The following ZNF384 variants were observed in gnomAD, a reference collection of about 807,000 sequenced individuals.
ZNF384 encodes the protein CAG repeat protein 1.
Under a neutral mutation model 65.0 loss-of-function variants are expected in ZNF384, and 20 were observed. The observed-to-expected ratio is 0.31, with a 90% confidence interval of 0.22 to 0.45. The LOEUF is 0.45. Ranked by LOEUF, ZNF384 falls within the 20% of genes least tolerant of loss-of-function variation. ZNF384 has a pLI of 1.00. For synonymous variants in ZNF384, 310 were observed against 303.9 expected (o/e 1.02, Z -0.21); for missense variants, 549 against 769.4 (o/e 0.71, Z 3.39).
rs1949849495 is a variant in ZNF384 at position 6,666,646 on chromosome 12, A to G, written c.*1068T>C. ...ATCTGCCATGATTTAAAAAAAAAAA[A>G]AAAAGACAAAAAGAAAAATGCTGTG... On this transcript the variant is annotated 3_prime_UTR_variant, in exon 12 of 12. Transcript: ENST00000683879. The G allele has an allele frequency of 6.0e-6, 1 of 166,406 alleles. No individual in the cohort carries two copies. Among genetic ancestry groups the G allele is most frequent in the African/African-American group, 2.4e-5 (1 of 41,706 alleles). 10.3% of individuals were successfully genotyped at this position (166,406 alleles called of 1,614,324 possible).
intron 2 of ZNF384, among the ~76,000 whole-genome samples, chr12:6,682,345 C>CAAAACAAAAG (rs1956314518): frequency 7.0e-6 from 1 of 143,048 alleles, no homozygotes; most frequent in Non-Finnish European, 1.5e-5. Context: ...CAAAACAAAA[C>CAAAACAAAAG]AAAACAAAAC....
In ZNF384 at chr12:6,678,890, G is replaced by A. The variant is rs1387134536; in HGVS notation, c.304+56C>T. 1 of 1,568,508 alleles carries A rather than the reference G, an allele frequency of 6.4e-7. No individual in the cohort carries two copies. Among genetic ancestry groups the A allele is most frequent in the Non-Finnish European group, 8.8e-7 (1 of 1,141,590 alleles). Reference sequence around the variant, plus strand: ...CATGTCCTTGGAGCCCTCCAGCCTGGGGTACTGATCATGGAAGATCAACAC... The same window carrying A: ...CATGTCCTTGGAGCCCTCCAGCCTGAGGTACTGATCATGGAAGATCAACAC... On this transcript the variant is annotated intron_variant, in intron 4 of 11. Transcript: ENST00000683879. The surrounding 1 kb of genome is among the most constrained non-coding windows in gnomAD (Gnocchi z 4.9).
At chr12:6,679,793 C>A (rs868688691) in intron 2 of ZNF384, among the ~76,000 whole-genome samples, 6 of 152,122 alleles carry the variant, frequency 3.9e-5, no homozygotes, top group Admixed American at 2.0e-4. Flanking sequence ...ATTCATGCCC[C>A]CTAAAGAAAA....
rs556747132 is a variant in ZNF384, at chr12:6,674,188, C to T, written c.780-748G>A. Among the ~76,000 whole-genome samples the T allele has an allele frequency of 9.2e-5, 14 of 152,336 alleles. No homozygotes were observed. In the South Asian group the frequency reaches 2.7e-3, roughly 29 times the overall value. On this transcript the variant is annotated intron_variant, in intron 7 of 11. Transcript: ENST00000683879. ...ATGATTACAAAACACCTATCTTCCA[C>T]GCTAAACCTTTCCTCTTCCCTAGCA... is the stretch of plus-strand genomic sequence containing the variant.
In ZNF384 at chr12:6,667,855, C is replaced by T; in HGVS notation, c.1686G>A (p.Gly562=). 3.1e-6 allele frequency: 5 copies of T among 1,614,182 alleles called. No individual in the cohort carries two copies. The highest frequency in any genetic ancestry group is 4.2e-6 in the Non-Finnish European group (5 of 1,180,020). ...GGTTGGGATTGCTGTCCCCACCACC[C>T]CCACCCTGGGGGGCTGCCCCAGGAG... The part of the protein sequence containing the change: ...FQSPGAAPQG[G]GGGDSNPNPP... The change falls in exon 12 of 12, where the codon GGG becomes GGA. Residue 562 remains glycine, a synonymous_variant. Transcript: ENST00000683879.
chr12:6,678,562 C>G lies in ZNF384; in HGVS notation c.352+101G>C. ...ATTGTCTAATTAACCCCTCACCCCC[C>G]CGCCGACCCAACCCAGAGTACACAG... is the stretch of plus-strand genomic sequence containing the variant. On this transcript the variant is annotated intron_variant, in intron 5 of 11. Transcript: ENST00000683879. The surrounding 1 kb of genome is among the most constrained non-coding windows in gnomAD (Gnocchi z 4.9). The G allele has an allele frequency of 3.9e-6, 6 of 1,547,972 alleles. No homozygotes were observed. Among genetic ancestry groups the G allele is most frequent in the Non-Finnish European group, 5.3e-6 (6 of 1,128,690 alleles).
intron 2 of ZNF384, among the ~76,000 whole-genome samples, chr12:6,679,907 G>A (rs778519428): frequency 2.6e-5 from 4 of 152,170 alleles, no homozygotes; most frequent in Non-Finnish European, 4.4e-5. Context: ...ACTTGAAAAC[G>A]GCCAGGTGCC....
intron 2 of ZNF384, among the ~76,000 whole-genome samples, chr12:6,686,594 T>C (rs12303027): frequency 1.3e-5 from 2 of 152,124 alleles, no homozygotes; most frequent in African/African-American, 4.8e-5. Context: ...TATCAGTGGA[T>C]GACTCTTAAC....
rs141404053 is a variant in ZNF384, at chr12:6,678,522, C to A, written c.353-62G>T. ...TTCAGTCCTGATCCTAATCCTATTT[C>A]ATTTCCCCCAGATCATTGTCTAATT... On this transcript the variant is annotated intron_variant, in intron 5 of 11. Coordinates refer to ENST00000683879, the MANE Select transcript of ZNF384 (RefSeq NM_001385745.1). This position sits in a 1 kb window ranked among gnomAD's most constrained non-coding sequence, Gnocchi z 4.9. The A allele has an allele frequency of 1.5e-5, 23 of 1,538,968 alleles. No homozygotes were observed. The Admixed American group carries it at 4.4e-4, about 29-fold the overall frequency.
chr12:6,683,646 A>G (rs1247072665), intron 2 of ZNF384, among the ~76,000 whole-genome samples: 14 of 146,390 alleles, frequency 9.6e-5, no homozygotes, highest in Admixed American at 2.1e-4. Flanking sequence ...TGGGTGACAG[A>G]GCAAGACCCT....
At chr12:6,677,711 C>T (rs1259492197) in intron 6 of ZNF384, among the ~76,000 whole-genome samples, 2 of 152,072 alleles carry the variant, frequency 1.3e-5, no homozygotes, top group African/African-American at 4.8e-5. Flanking sequence ...TGTTCAAATG[C>T]GACCCAGGAA....
chr12:6,676,096 T>C (rs2136803907), intron 7 of ZNF384, among the ~76,000 whole-genome samples: 1 of 152,304 alleles, frequency 6.6e-6, no homozygotes, highest in East Asian at 1.9e-4. Context: ...GGTCAGGAGT[T>C]CGAGACCAGC....
rs943507923 is a variant in ZNF384 at position 6,666,863 on chromosome 12, A to T, written c.*851T>A. 4 of 184,860 alleles carry T rather than the reference A, an allele frequency of 2.2e-5. No homozygotes were observed. Among genetic ancestry groups the T allele is most frequent in the Non-Finnish European group, 3.4e-5 (3 of 87,366 alleles). The allele number at this position is 184,860 out of a possible 1,614,324, so 11.5% of individuals were successfully genotyped here. ...TCCGTGTCCGGCATCTGACTGTGGC[A>T]CCTAGGGAGCTAAGTCCAGTCCTTG... On this transcript the variant is annotated 3_prime_UTR_variant, in exon 12 of 12. Coordinates refer to ENST00000683879, the MANE Select transcript of ZNF384 (RefSeq NM_001385745.1).
At chr12:6,670,131 C>T (rs555859044) in intron 10 of ZNF384, among the ~76,000 whole-genome samples, 19 of 152,250 alleles carry the variant, frequency 1.2e-4, no homozygotes, top group Admixed American at 9.8e-4. Context: ...TAGCTTAAGA[C>T]ATTAAAGACC....
rs1951776696 is a variant in ZNF384, at chr12:6,672,263, C to CCG, written c.1187+86_1187+87insCG. The stretch of plus-strand genomic sequence containing the variant: ...CCAGCCAGGTCTCTCCCCCGCCCCC[C>CCG]GCATGCGGGTTGTTGTGTGTGTCCG... On this transcript the variant is annotated intron_variant, in intron 9 of 11. Transcript: ENST00000683879. This position sits in a 1 kb window ranked among gnomAD's most constrained non-coding sequence, Gnocchi z 4.4. 1.4e-6 allele frequency: 2 copies of CCG among 1,425,030 alleles called. No homozygotes were observed. The highest frequency in any genetic ancestry group is 1.9e-6 in the Non-Finnish European group (2 of 1,060,112). 88.3% of individuals were successfully genotyped at this position (1,425,030 alleles called of 1,614,324 possible).
chr12:6,672,336 C>T lies in ZNF384; in HGVS notation c.1187+14G>A, dbSNP rs763497059. 4 of 1,610,318 alleles carry T rather than the reference C, an allele frequency of 2.5e-6. No homozygotes were observed. The East Asian group carries it at 8.9e-5, about 36-fold the overall frequency. On this transcript the variant is annotated intron_variant, in intron 9 of 11. Transcript: ENST00000683879. The surrounding 1 kb of genome is among the most constrained non-coding windows in gnomAD (Gnocchi z 4.4). ...CCAGCGGGGCGGGGTCAGTAGCCCG[C>T]CACTCTCCCTTACCGTGTGTGCTGC...
chr12:6,679,686 T>TC (rs1955171093), intron 2 of ZNF384, among the ~76,000 whole-genome samples, 161 bp from the exon 3 acceptor site: 1 of 152,198 alleles, frequency 6.6e-6, no homozygotes, highest in African/African-American at 2.4e-5. Context: ...AGTCCCTTGG[T>TC]CAGAGCCCCT....
chr12:6,672,190 C>T lies in ZNF384; in HGVS notation c.1187+160G>A. On this transcript the variant is annotated intron_variant, in intron 9 of 11. Coordinates refer to ENST00000683879, the MANE Select transcript of ZNF384 (RefSeq NM_001385745.1). This position sits in a 1 kb window ranked among gnomAD's most constrained non-coding sequence, Gnocchi z 4.4. ...GAAGCTCTGTGTCCACTTGAATCTC[C>T]AGTGTTGTTTGGTCTTCCTTCTCCC... is the stretch of plus-strand genomic sequence containing the variant. The T allele has an allele frequency of 1.4e-6, 1 of 703,792 alleles. No individual in the cohort carries two copies. Among genetic ancestry groups the T allele is most frequent in the Non-Finnish European group, 2.3e-6 (1 of 431,710 alleles). The allele number at this position is 703,792 out of a possible 1,614,324, so 43.6% of individuals were successfully genotyped here. A position where few individuals can be genotyped will look rare whatever the true frequency, so the allele number is the denominator to read the frequency against.
chr12:6,685,707 G>A (rs1212717764), intron 2 of ZNF384, among the ~76,000 whole-genome samples: 2 of 149,946 alleles, frequency 1.3e-5, no homozygotes, highest in Non-Finnish European at 3.0e-5. Flanking sequence ...GGGAGGTGGA[G>A]TGGAGGTTGC....
Sources: allele counts gnomAD v4.1 joint callset (sites outside exome capture counted in the v4.1 genomes callset), GRCh38; gene constraint gnomAD v4.1.1; non-coding constraint Gnocchi (gnomAD v3.1); transcripts MANE v1.5; gene names NCBI Gene and HGNC (gene_info 2026-07-23, HGNC 2026-07-21).